Variants in DMD observed in about 807,000 individuals in gnomAD.
DMD encodes dystrophin, also known as mutant dystrophin.
Under a neutral mutation model 330.1 loss-of-function variants are expected in DMD, and 63 were observed. The observed-to-expected ratio is 0.19, with a 90% CI of 0.16 to 0.24. The LOEUF is 0.24. Among genes scored for constraint, DMD ranks in the 10% least tolerant of loss-of-function variants. The pLI is 1.00. For synonymous variants in DMD, 1,223 were observed against 959.8 expected, an observed-to-expected ratio of 1.27 and a Z score of -5.07; for missense variants, 3,344 against 2,684.1, an observed-to-expected ratio of 1.25 and a Z score of -5.43.
intron 44 of DMD, among the ~76,000 whole-genome samples, chrX:32,004,292 A>T (rs750068350): frequency 6.3e-5 from 7 of 111,935 alleles, no homozygotes; most frequent in African/African-American, 2.3e-4. Context: ...AAAATAGATT[A>T]ATCATGTATA....
intron 57 of DMD, among the ~76,000 whole-genome samples, chrX:31,490,909 C>T (rs954942003): frequency 1.8e-5 from 2 of 112,250 alleles, no homozygotes; most frequent in Non-Finnish European, 3.8e-5. Flanking sequence ...CTGAAGAAAT[C>T]GAACATGCAT....
At chrX:32,792,485 T>A (rs918027458) in intron 7 of DMD, among the ~76,000 whole-genome samples, 9 of 112,000 alleles carry the variant, frequency 8.0e-5, no homozygotes, top group Non-Finnish European at 1.7e-4. Flanking sequence ...ATGTTGAATG[T>A]AAATTGATTA....
At chrX:31,552,745 A>G (rs1483980772) in intron 55 of DMD, among the ~76,000 whole-genome samples, 1 of 111,705 alleles carries the variant, frequency 9.0e-6, no homozygotes, top group Non-Finnish European at 1.9e-5. Context: ...TCAAACAGAC[A>G]TGGGTTACAT....
At chrX:32,332,258 G>T (rs757343184) in intron 41 of DMD, among the ~76,000 whole-genome samples, 1 of 110,868 alleles carries the variant, frequency 9.0e-6, no homozygotes, top group South Asian at 3.8e-4. Context: ...ACACAGCAGT[G>T]GGAAAAAAAG....
At chrX:31,449,884 A>G (rs1834743085) in intron 59 of DMD, among the ~76,000 whole-genome samples, 1 of 104,470 alleles carries the variant, frequency 9.6e-6, no homozygotes, top group Admixed American at 1.1e-4. Flanking sequence ...CTTCTTAGGG[A>G]TATTAAATAT....
chrX:32,597,293 G>T (rs747668364), intron 12 of DMD, among the ~76,000 whole-genome samples: 1 of 111,170 alleles, frequency 9.0e-6, no homozygotes, highest in South Asian at 3.8e-4. Flanking sequence ...TATCAGCTTA[G>T]TCCTTTTGTC....
At chrX:32,100,515 G>GA (rs1392693442) in intron 44 of DMD, among the ~76,000 whole-genome samples, 1 of 109,853 alleles carries the variant, frequency 9.1e-6, no homozygotes, top group African/African-American at 3.3e-5. Flanking sequence ...CTCCACAATT[G>GA]TTTTTTAGAT....
chrX:32,362,639 C>A, intron 37 of DMD, 149 bp downstream of exon 37: 1 of 555,701 alleles, frequency 1.8e-6, no homozygotes. Flanking sequence ...CCATTATAAT[C>A]AGTGGTAAAA....
intron 47 of DMD, among the ~76,000 whole-genome samples, chrX:31,917,394 G>A (rs1324977270): frequency 8.9e-6 from 1 of 111,964 alleles, no homozygotes; most frequent in African/African-American, 3.2e-5. Flanking sequence ...AAGACCCCAA[G>A]CACTTCTAAT....
intron 9 of DMD, among the ~76,000 whole-genome samples, chrX:32,654,759 C>T (rs1381202393): frequency 3.6e-5 from 4 of 111,329 alleles, no homozygotes; most frequent in Non-Finnish European, 7.5e-5. Flanking sequence ...TGGTAGAATT[C>T]GGCTGTGAAT....
Position 32,809,592 on chromosome X carries a change from T to A in DMD, c.550A>T (p.Asn184Tyr). The change falls in exon 7 of 79, where the codon AAT becomes TAT. Residue 184 changes from asparagine (N) to tyrosine (Y), a missense_variant. Physicochemically the swap from Asn to Tyr is moderately radical, Grantham distance 143. Coordinates refer to ENST00000357033, the MANE Select transcript of DMD (RefSeq NM_004006.3). The part of the protein sequence containing the change: ...HSHRPDLFDW[N>Y]SVVCQQSATQ... ...GCTGACTGCTGGCAAACCACACTATTCCAGTCAAATAGGTCTGGCCTAAAA... is the reference window on the plus strand; with the variant it reads ...GCTGACTGCTGGCAAACCACACTATACCAGTCAAATAGGTCTGGCCTAAAA... 8.3e-7 allele frequency: 1 copy of A among 1,210,425 alleles called. No individual in the cohort carries two copies. The highest frequency in any genetic ancestry group is 3.0e-5 in the East Asian group (1 of 33,778).
At chrX:31,872,682 A>G (rs1243701647) in intron 48 of DMD, among the ~76,000 whole-genome samples, 2 of 111,873 alleles carry the variant, frequency 1.8e-5, no homozygotes, top group Non-Finnish European at 3.8e-5. Flanking sequence ...TCTGGTTGGG[A>G]GGAAAGACTT....
intron 30 of DMD, among the ~76,000 whole-genome samples, chrX:32,394,460 C>A (rs1016201379): frequency 7.1e-5 from 8 of 112,177 alleles, no homozygotes; most frequent in Non-Finnish European, 1.5e-4. Context: ...GTTTTCTTAT[C>A]TGAGAAATTC....
chrX:31,563,397 T>C (rs1367402297), intron 55 of DMD, among the ~76,000 whole-genome samples: 2 of 112,274 alleles, frequency 1.8e-5, no homozygotes, highest in African/African-American at 6.5e-5. Flanking sequence ...ACTCTCAATT[T>C]TGCTTCAGTG....
chrX:32,628,361 C>A (rs1383477485), intron 11 of DMD, among the ~76,000 whole-genome samples: 1 of 87,167 alleles, frequency 1.1e-5, no homozygotes, highest in Non-Finnish European at 2.1e-5. Flanking sequence ...TTTTAATCAA[C>A]ATAACGTCCT....
intron 1 of DMD, among the ~76,000 whole-genome samples, chrX:33,031,868 T>TA (rs1246689635): frequency 1.8e-5 from 2 of 111,665 alleles, no homozygotes; most frequent in African/African-American, 3.3e-5. Flanking sequence ...ATAATCGTGG[T>TA]AAAAAAACTC....
At chrX:32,167,065 C>G (rs1034397612) in intron 44 of DMD, among the ~76,000 whole-genome samples, 1 of 111,526 alleles carries the variant, frequency 9.0e-6, no homozygotes, top group Non-Finnish European at 1.9e-5. Flanking sequence ...TCGATGCTCT[C>G]TAAATTTTCT....
chrX:31,929,077 G>A (rs745726343), intron 47 of DMD, among the ~76,000 whole-genome samples: 10 of 111,969 alleles, frequency 8.9e-5, no homozygotes, highest in Non-Finnish European at 1.9e-4. Flanking sequence ...TTAATAAATA[G>A]TATTACTGTT....
At chrX:32,725,667 G>T (rs1041626928) in intron 7 of DMD, among the ~76,000 whole-genome samples, 1 of 111,227 alleles carries the variant, frequency 9.0e-6, no homozygotes, top group Non-Finnish European at 1.9e-5. Context: ...AAGAGAGAGA[G>T]AGATCTCAAC....
Sources: gnomAD v4.1 joint callset for allele counts (sites outside exome capture counted in the v4.1 genomes callset) on GRCh38, gnomAD v4.1.1 for gene constraint, MANE v1.5 for transcripts, NCBI Gene and HGNC (gene_info 2026-07-23, HGNC 2026-07-21) for gene names.